Variants in SNCB observed in about 807,000 individuals in gnomAD.
SNCB encodes the protein synuclein beta.
In SNCB, 8 loss-of-function variants were observed where a neutral mutation model predicts 20.0. The ratio of observed to expected loss-of-function variants is 0.40; its 90% confidence interval spans 0.24 to 0.72. The LOEUF (loss-of-function observed/expected upper bound fraction) is 0.72, where lower values mean the gene tolerates loss of function less well. Among genes scored for constraint, SNCB ranks in the 30% least tolerant of loss-of-function variants. The pLI, the probability that SNCB is intolerant of heterozygous loss-of-function variation, is 0.37. For synonymous variants in SNCB, 56 were observed against 65.4 expected (o/e 0.86, Z 0.69); for missense variants, 125 against 168.0 (o/e 0.74, Z 1.41).
intron 4 of SNCB, among the ~76,000 whole-genome samples, chr5:176,624,339 T>C (rs1280085699): frequency 1.3e-5 from 2 of 152,240 alleles, no homozygotes; most frequent in Non-Finnish European, 2.9e-5. Flanking sequence ...GGCAAGTGAC[T>C]TCACTTCTCT....
At position 176,626,357 on chromosome 5, in the gene SNCB, T is replaced by C. The variant is rs112855226; in HGVS notation, c.282+41A>G. On this transcript the variant is annotated intron_variant, in intron 4 of 5. Coordinates refer to ENST00000393693, the MANE Select transcript of SNCB (RefSeq NM_003085.5). The surrounding 1 kb of genome is among the most constrained non-coding windows in gnomAD (Gnocchi z 4.2). ...CCTGGTGTGTGTGTGTGTGTGTGTGTGTGTGTTTGCCTGCATGTGCGGGTC... is the reference window on the plus strand; with the variant it reads ...CCTGGTGTGTGTGTGTGTGTGTGTGCGTGTGTTTGCCTGCATGTGCGGGTC... 5 of 1,111,112 alleles carry C rather than the reference T, an allele frequency of 4.5e-6. 1 individual carries two copies. The South Asian group carries it at 6.2e-5, about 14-fold the overall frequency. The allele number at this position is 1,111,112 out of a possible 1,614,324, so 68.8% of individuals were successfully genotyped here.
rs1759578203 is a variant in SNCB, at chr5:176,621,285, C to T, written c.301G>A (p.Glu101Lys). The stretch of plus-strand genomic sequence containing the variant: ...TCAATCAGTGGTTCTTCAGCAGCTT[C>T]CTGGGCCACTTCCTCTGGCTGTGGG... ...TDLKPEEVAQ[E>K]AAEEPLIEPL... Residue 101 changes from glutamate to lysine, a missense_variant, in exon 5 of 6, where the codon GAA becomes AAA. Physicochemically the swap from Glu to Lys is moderately conservative, Grantham distance 56. Transcript: ENST00000393693. The surrounding 1 kb of genome is among the most constrained non-coding windows in gnomAD (Gnocchi z 4.1). 1 of 1,613,728 alleles carries T rather than the reference C, an allele frequency of 6.2e-7. No individual in the cohort carries two copies. Among genetic ancestry groups the T allele is most frequent in the South Asian group, 1.1e-5 (1 of 90,852 alleles).
At position 176,626,902 on chromosome 5, in the gene SNCB, AT is replaced by A; in HGVS notation, c.122-142del. On this transcript the variant is annotated intron_variant, in intron 2 of 5. Coordinates refer to ENST00000393693, the MANE Select transcript of SNCB (RefSeq NM_003085.5). This position sits in a 1 kb window ranked among gnomAD's most constrained non-coding sequence, Gnocchi z 4.2. ...CCCACATCCTACAACCTGCACCCCCATGTTAACCCCCGTCTTATCACTGCAC... is the reference window on the plus strand; with the variant it reads ...CCCACATCCTACAACCTGCACCCCCAGTTAACCCCCGTCTTATCACTGCAC... The A allele has an allele frequency of 2.4e-6, 2 of 841,054 alleles. No homozygotes were observed. The highest frequency in any genetic ancestry group is 4.0e-6 in the Non-Finnish European group (2 of 496,462). The allele number at this position is 841,054 out of a possible 1,614,324, so 52.1% of individuals were successfully genotyped here.
intron 2 of SNCB, among the ~76,000 whole-genome samples, chr5:176,627,970 G>A (rs1288017237): frequency 6.6e-6 from 1 of 152,192 alleles, no homozygotes; most frequent in African/African-American, 2.4e-5. Flanking sequence ...ACATCAGAAA[G>A]GAGACTGCAG....
At chr5:176,623,251 G>A (rs1759721308) in intron 4 of SNCB, among the ~76,000 whole-genome samples, 1 of 152,154 alleles carries the variant, frequency 6.6e-6, no homozygotes, top group Non-Finnish European at 1.5e-5. Context: ...GCTGGGCATG[G>A]TGGTGCACGC....
chr5:176,628,171 G>C (rs1760092138), intron 2 of SNCB, among the ~76,000 whole-genome samples: 1 of 152,180 alleles, frequency 6.6e-6, no homozygotes, highest in Non-Finnish European at 1.5e-5. Flanking sequence ...GGGGCTCCCA[G>C]GCAGAGGCAG....
rs1581179474 is a variant in SNCB, at chr5:176,629,985, TCACA to T, written c.-10+291_-10+294del. 3.3e-6 allele frequency: 1 copy of T among 301,046 alleles called. No homozygotes were observed. The highest frequency in any genetic ancestry group is 8.5e-5 in the East Asian group (1 of 11,738). 18.6% of individuals were successfully genotyped at this position (301,046 alleles called of 1,614,324 possible). On this transcript the variant is annotated intron_variant, in intron 1 of 5. Coordinates refer to ENST00000393693, the MANE Select transcript of SNCB (RefSeq NM_003085.5). The surrounding 1 kb of genome is among the most constrained non-coding windows in gnomAD (Gnocchi z 4.1). ...ACCCGCCTGTACACGCACGGCACAGTCACACGGTCATGCACACAAACATACACCA... is the reference window on the plus strand; with the variant it reads ...ACCCGCCTGTACACGCACGGCACAGTCGGTCATGCACACAAACATACACCA...
At chr5:176,627,054 TC>T (rs1760007186) in intron 2 of SNCB, among the ~76,000 whole-genome samples, 2 of 152,338 alleles carry the variant, frequency 1.3e-5, no homozygotes, top group African/African-American at 4.8e-5. Flanking sequence ...CCGCTGCACT[TC>T]ACTTTTCCCC....
At chr5:176,625,202 C>G (rs970965288) in intron 4 of SNCB, among the ~76,000 whole-genome samples, 3 of 152,240 alleles carry the variant, frequency 2.0e-5, no homozygotes, top group East Asian at 3.8e-4. Context: ...TGGCCACAAT[C>G]TCTTGCAGGG....
In SNCB at chr5:176,621,361, A is replaced by T; in HGVS notation, c.283-58T>A. 2.9e-6 allele frequency: 4 copies of T among 1,390,996 alleles called. No individual in the cohort carries two copies. The highest frequency in any genetic ancestry group is 4.0e-6 in the Non-Finnish European group (4 of 989,852). 86.2% of individuals were successfully genotyped at this position (1,390,996 alleles called of 1,614,324 possible). A position where few individuals can be genotyped will look rare whatever the true frequency, so the allele number is the denominator to read the frequency against. ...CAGCCAGGATGCCCCCCAAATTCCC[A>T]CAGTGGTAAGCTTTGGGTGGGTTGG... On this transcript the variant is annotated intron_variant, in intron 4 of 5. Coordinates refer to ENST00000393693, the MANE Select transcript of SNCB (RefSeq NM_003085.5). The surrounding 1 kb of genome is among the most constrained non-coding windows in gnomAD (Gnocchi z 4.1).
At chr5:176,628,862 G>A (rs1269610231) in intron 2 of SNCB, among the ~76,000 whole-genome samples, 2 of 152,192 alleles carry the variant, frequency 1.3e-5, no homozygotes, top group African/African-American at 2.4e-5. Context: ...CACGACCCTG[G>A]GCAAGTTATC....
At chr5:176,623,230 T>C (rs1333007856) in intron 4 of SNCB, among the ~76,000 whole-genome samples, 1 of 152,040 alleles carries the variant, frequency 6.6e-6, no homozygotes, top group Non-Finnish European at 1.5e-5. Context: ...CTACTAAATA[T>C]ACAAAAATTA....
chr5:176,627,297 C>T (rs1027505859), intron 2 of SNCB, among the ~76,000 whole-genome samples: 3 of 152,200 alleles, frequency 2.0e-5, no homozygotes, highest in African/African-American at 4.8e-5. Flanking sequence ...AGGTTCCCCT[C>T]GTGCCCCATG....
rs534802321 is a variant in SNCB, at chr5:176,626,157, A to T, written c.282+241T>A. Among the ~76,000 whole-genome samples the T allele has an allele frequency of 6.6e-6, 1 of 152,262 alleles. No individual in the cohort carries two copies. The highest frequency in any genetic ancestry group is 6.5e-5 in the Admixed American group (1 of 15,282). On this transcript the variant is annotated intron_variant, in intron 4 of 5. Coordinates refer to ENST00000393693, the MANE Select transcript of SNCB (RefSeq NM_003085.5). This position sits in a 1 kb window ranked among gnomAD's most constrained non-coding sequence, Gnocchi z 4.2. ...TCACGCTGGCAAGCAGGATACACGCAGACAGCCAGGTCTGGGTCCCCATCA... is the reference window on the plus strand; with the variant it reads ...TCACGCTGGCAAGCAGGATACACGCTGACAGCCAGGTCTGGGTCCCCATCA...
intron 4 of SNCB, among the ~76,000 whole-genome samples, chr5:176,622,933 C>T (rs1385252101): frequency 2.0e-5 from 3 of 151,670 alleles, no homozygotes; most frequent in Non-Finnish European, 1.5e-5. Flanking sequence ...GATGGGGTTT[C>T]GCCATGTTGG....
chr5:176,628,560 A>G (rs954548021), intron 2 of SNCB, among the ~76,000 whole-genome samples: 3 of 152,112 alleles, frequency 2.0e-5, no homozygotes, highest in Non-Finnish European at 2.9e-5. Flanking sequence ...TCTCCTGCCC[A>G]TCGCTCTGAC....
chr5:176,621,711 G>A lies in SNCB; in HGVS notation c.283-408C>T, dbSNP rs867028583. ...GGAGGCTCAGGGACAGGGCTGGGCA[G>A]GGGCTCTGAGCCATTCCCCCGCCAC... On this transcript the variant is annotated intron_variant, in intron 4 of 5. Transcript: ENST00000393693. The surrounding 1 kb of genome is among the most constrained non-coding windows in gnomAD (Gnocchi z 4.1). Among the ~76,000 whole-genome samples, 1 of 152,224 alleles carries A rather than the reference G, an allele frequency of 6.6e-6. No homozygotes were observed. Among genetic ancestry groups the A allele is most frequent in the Non-Finnish European group, 1.5e-5 (1 of 68,024 alleles).
At position 176,624,802 on chromosome 5, in the gene SNCB, CA is replaced by C. The variant is rs1282224621; in HGVS notation, c.282+1595del. Among the ~76,000 whole-genome samples the C allele has an allele frequency of 0.01, 524 of 50,898 alleles. 9 individuals carry two copies. The East Asian group carries it at 0.11, about 11-fold the overall frequency. 33.4% of individuals were successfully genotyped at this position (50,898 alleles called of 152,430 possible). A position where few individuals can be genotyped will look rare whatever the true frequency, so the allele number is the denominator to read the frequency against. ...GGGCAACAAGAGCAAAACTCCGTCT[CA>C]AAAAAAAAAAAAAACAAAAAAAAAC... On this transcript the variant is annotated intron_variant, in intron 4 of 5. Transcript: ENST00000393693.
chr5:176,620,543 G>A lies in SNCB; in HGVS notation c.*268C>T, dbSNP rs1759514270. 2 of 581,776 alleles carry A rather than the reference G, an allele frequency of 3.4e-6. No individual in the cohort carries two copies. The highest frequency in any genetic ancestry group is 1.9e-5 in the African/African-American group (1 of 53,414). 36.0% of individuals were successfully genotyped at this position (581,776 alleles called of 1,614,324 possible). A position where few individuals can be genotyped will look rare whatever the true frequency, so the allele number is the denominator to read the frequency against. On this transcript the variant is annotated 3_prime_UTR_variant, in exon 6 of 6. Transcript: ENST00000393693. This position sits in a 1 kb window ranked among gnomAD's most constrained non-coding sequence, Gnocchi z 4.5. ...AACACATAGAACATGCTACATCCGCGCAGACGCTGGATGGGAGGAGGCAAC... is the reference window on the plus strand; with the variant it reads ...AACACATAGAACATGCTACATCCGCACAGACGCTGGATGGGAGGAGGCAAC...
Sources: allele counts gnomAD v4.1 joint callset (sites outside exome capture counted in the v4.1 genomes callset), GRCh38; gene constraint gnomAD v4.1.1; non-coding constraint Gnocchi (gnomAD v3.1); transcripts MANE v1.5; gene names NCBI Gene and HGNC (gene_info 2026-07-23, HGNC 2026-07-21).